The following DNAJC12 variants were observed in gnomAD, a reference collection of about 807,000 sequenced individuals.
The protein encoded by DNAJC12 is dnaJ homolog subfamily C member 12.
DNAJC12 carries 25 observed loss-of-function variants against 28.5 expected under a neutral mutation model. The observed-to-expected ratio is 0.88, with a 90% confidence interval of 0.64 to 1.22. The LOEUF (loss-of-function observed/expected upper bound fraction) is 1.22. Among genes scored for constraint, DNAJC12 ranks in the 50% most tolerant of loss-of-function variants. The pLI, the probability that DNAJC12 is intolerant of heterozygous loss-of-function variation, is 0.00. For missense variants in DNAJC12, 222 were observed against 231.7 expected, an observed-to-expected ratio of 0.96 and a Z score of 0.27; for synonymous variants, 77 against 80.6, an observed-to-expected ratio of 0.95 and a Z score of 0.24.
At chr10:67,808,719 G>T (rs1841828986) in intron 3 of DNAJC12, 1 of 152,094 alleles carries the variant, frequency 6.6e-6, no homozygotes, top group Non-Finnish European at 1.5e-5. Flanking sequence ...CCATAGATCA[G>T]CTGAATAGCT....
At chr10:67,810,360 A>C (rs921539896) in intron 3 of DNAJC12, among the ~76,000 whole-genome samples, 1 of 152,072 alleles carries the variant, frequency 6.6e-6, no homozygotes, top group Admixed American at 6.6e-5. Context: ...GCTATTGAAA[A>C]TTTTTTGAAG....
intron 2 of DNAJC12, among the ~76,000 whole-genome samples, chr10:67,818,148 G>A (rs1356962011): frequency 6.6e-6 from 1 of 152,216 alleles, no homozygotes; most frequent in East Asian, 1.9e-4. Context: ...GAGGCCAGCA[G>A]TGAACCAAGA....
At chr10:67,822,445 G>GA (rs1221409995) in intron 2 of DNAJC12, among the ~76,000 whole-genome samples, 1 of 152,134 alleles carries the variant, frequency 6.6e-6, no homozygotes, top group Non-Finnish European at 1.5e-5. Flanking sequence ...GGAACAAATG[G>GA]AAAAATAGCG....
chr10:67,807,720 T>C (rs1384735197), intron 3 of DNAJC12, among the ~76,000 whole-genome samples: 2 of 152,186 alleles, frequency 1.3e-5, no homozygotes, highest in Non-Finnish European at 2.9e-5. Flanking sequence ...CTGTACGTGA[T>C]GTATTGATCT....
chr10:67,821,046 GT>G (rs533814197), intron 2 of DNAJC12, among the ~76,000 whole-genome samples: 184 of 151,812 alleles, frequency 1.2e-3, no homozygotes, highest in South Asian at 8.9e-3. Context: ...GCCTCCCAAA[GT>G]GCTGGAATTA....
chr10:67,827,697 A>G (rs915944712), intron 1 of DNAJC12: 5 of 152,278 alleles, frequency 3.3e-5, no homozygotes, highest in Non-Finnish European at 7.3e-5. Context: ...AAAAAAAAAA[A>G]AAAATGTACT....
At chr10:67,807,233 C>T (rs1841811701) in intron 3 of DNAJC12, among the ~76,000 whole-genome samples, 2 of 151,940 alleles carry the variant, frequency 1.3e-5, no homozygotes, top group South Asian at 4.1e-4. Context: ...TGCACTCCAG[C>T]CTGGGTGACA....
At chr10:67,820,775 T>C (rs981025612) in intron 2 of DNAJC12, among the ~76,000 whole-genome samples, 1 of 141,286 alleles carries the variant, frequency 7.1e-6, no homozygotes, top group African/African-American at 2.6e-5. Flanking sequence ...TTTTCTTTTT[T>C]CCTTTTTTTT....
intron 2 of DNAJC12, among the ~76,000 whole-genome samples, chr10:67,815,069 A>G (rs963492427): frequency 2.6e-5 from 4 of 152,248 alleles, no homozygotes; most frequent in Non-Finnish European, 5.9e-5. Flanking sequence ...CATTACTCAT[A>G]ATAGCCAAAA....
chr10:67,808,800 T>G (rs1841829777), intron 3 of DNAJC12, among the ~76,000 whole-genome samples: 1 of 152,140 alleles, frequency 6.6e-6, no homozygotes, highest in Non-Finnish European at 1.5e-5. Context: ...CTTATCAGGG[T>G]GATTTCTGAC....
intron 1 of DNAJC12, among the ~76,000 whole-genome samples, chr10:67,824,634 G>T (rs891293085): frequency 6.6e-6 from 1 of 151,960 alleles, no homozygotes; most frequent in African/African-American, 2.4e-5. Flanking sequence ...TTAAGACTTG[G>T]CTTTATTAAT....
intron 4 of DNAJC12, among the ~76,000 whole-genome samples, chr10:67,802,941 C>G (rs1444203557): frequency 2.7e-5 from 4 of 149,414 alleles, no homozygotes; most frequent in Non-Finnish European, 5.9e-5. Context: ...GCCTCAACAT[C>G]CCCCCCCACA....
Position 67,817,046 on chromosome 10 carries a change from CT to C in DNAJC12, c.158-5384del, listed in dbSNP as rs879611173. ...GGGATTTCTGGTGGCCTTAGATTTA[CT>C]TTTTTTTTTTTCAGGGAATAAAAGA... On this transcript the variant is annotated intron_variant, in intron 2 of 4. Coordinates refer to ENST00000225171, the MANE Select transcript of DNAJC12 (RefSeq NM_021800.3). Among the ~76,000 whole-genome samples the C allele has an allele frequency of 8.4e-3, 1,214 of 145,338 alleles. 20 individuals are homozygous for C. The highest frequency in any genetic ancestry group is 0.028 in the African/African-American group (1,102 of 39,888).
chr10:67,824,989 C>G (rs1187352318), intron 1 of DNAJC12, among the ~76,000 whole-genome samples: 1 of 152,160 alleles, frequency 6.6e-6, no homozygotes, highest in Non-Finnish European at 1.5e-5. Flanking sequence ...CCCGCCTCAG[C>G]CTCCCAAAGT....
chr10:67,833,915 A>G, intron 1 of DNAJC12: 1 of 478,076 alleles, frequency 2.1e-6, no homozygotes, highest in East Asian at 6.1e-5. Context: ...GCTATTACTG[A>G]GGTGAGTTTG....
At chr10:67,803,135 T>C (rs2131789502) in intron 4 of DNAJC12, among the ~76,000 whole-genome samples, 1 of 151,974 alleles carries the variant, frequency 6.6e-6, no homozygotes, top group South Asian at 2.1e-4. Context: ...CCACTGCGCC[T>C]GGACAATTAA....
At chr10:67,797,278 A>G (rs1186953933) in intron 4 of DNAJC12, 68 bp from the exon 5 acceptor site, 3 of 1,298,212 alleles carry the variant, frequency 2.3e-6, no homozygotes, top group East Asian at 4.9e-5. Context: ...ATAGTAAAAC[A>G]GCTTGGGGAT....
At chr10:67,832,616 A>G (rs1589051245) in intron 1 of DNAJC12, among the ~76,000 whole-genome samples, 1 of 152,196 alleles carries the variant, frequency 6.6e-6, no homozygotes, top group Non-Finnish European at 1.5e-5. Flanking sequence ...GAATTTCCTT[A>G]CTGTAGAATA....
rs1041386099 is a variant in DNAJC12 at position 67,837,961 on chromosome 10, T to C, written c.51A>G (p.Thr17=). 1.9e-6 allele frequency: 3 copies of C among 1,608,986 alleles called. No homozygotes were observed. Among genetic ancestry groups the C allele is most frequent in the East Asian group, 2.2e-5 (1 of 44,514 alleles). The change falls in exon 1 of 5, where the codon ACA becomes ACG. Residue 17 remains threonine, a synonymous_variant. Coordinates refer to ENST00000225171, the MANE Select transcript of DNAJC12 (RefSeq NM_021800.3). ...YRSEDTEDYY[T]LLGCDELSSV... is the part of the protein sequence containing the mutation. ...AAGATAGTTCATCACATCCCAGTAATGTGTAGTAATCTTCAGTATCTTCTG... is the reference window on the plus strand; with the variant it reads ...AAGATAGTTCATCACATCCCAGTAACGTGTAGTAATCTTCAGTATCTTCTG...
Sources: allele counts gnomAD v4.1 joint callset (sites outside exome capture counted in the v4.1 genomes callset), GRCh38; gene constraint gnomAD v4.1.1; transcripts MANE v1.5; gene names NCBI Gene and HGNC (gene_info 2026-07-23, HGNC 2026-07-21).